Variants in CERS6 observed in about 807,000 individuals in gnomAD.
The protein encoded by CERS6 is LAG1 homolog, ceramide synthase 6.
Under a neutral mutation model 56.8 loss-of-function variants are expected in CERS6, and 26 were observed. The observed-to-expected ratio is 0.46, with a 90% CI of 0.34 to 0.63. CERS6 has a LOEUF of 0.63. CERS6 is among the 30% of genes least tolerant of loss of function. CERS6 has a pLI of 0.01. For synonymous variants in CERS6, 164 were observed against 173.3 expected (o/e 0.95, Z 0.42); for missense variants, 415 against 467.5 (o/e 0.89, Z 1.04).
chr2:168,515,488 G>A (rs1385124923), intron 1 of CERS6, among the ~76,000 whole-genome samples: 1 of 152,168 alleles, frequency 6.6e-6, no homozygotes, highest in Non-Finnish European at 1.5e-5. Context: ...ATCACCAAGT[G>A]GGGAGGGGAA....
chr2:168,533,605 T>A (rs1262516713), intron 1 of CERS6, among the ~76,000 whole-genome samples: 2 of 152,156 alleles, frequency 1.3e-5, no homozygotes, highest in Non-Finnish European at 2.9e-5. Flanking sequence ...TGAGCTTCCC[T>A]TTATATGTGA....
chr2:168,694,097 G>A (rs1046356869), intron 5 of CERS6, among the ~76,000 whole-genome samples: 5 of 152,074 alleles, frequency 3.3e-5, no homozygotes, highest in African/African-American at 1.2e-4. Context: ...AGTTTCAAAT[G>A]TTTTTCATTC....
At chr2:168,731,480 T>G (rs1683530999) in intron 8 of CERS6, among the ~76,000 whole-genome samples, 1 of 152,106 alleles carries the variant, frequency 6.6e-6, no homozygotes, top group Non-Finnish European at 1.5e-5. Context: ...TATACCAAAT[T>G]TTCTAGTTTT....
At chr2:168,513,534 C>T (rs901473570) in intron 1 of CERS6, among the ~76,000 whole-genome samples, 2 of 152,082 alleles carry the variant, frequency 1.3e-5, no homozygotes, top group African/African-American at 2.4e-5. Flanking sequence ...CTGATGTTTT[C>T]GAACCATGAC....
At chr2:168,490,962 T>A (rs770836312) in intron 1 of CERS6, among the ~76,000 whole-genome samples, 25 of 152,188 alleles carry the variant, frequency 1.6e-4, no homozygotes, top group Non-Finnish European at 2.6e-4. Context: ...TTTCACTGTT[T>A]TGTGAGATGT....
At chr2:168,604,390 CGT>C (rs57929934) in intron 3 of CERS6, among the ~76,000 whole-genome samples, 138,804 of 150,636 alleles carry the variant, frequency 0.92, 64,377 homozygotes, top group Non-Finnish European at 0.98. Flanking sequence ...CAGTTGTATA[CGT>C]GTGTGTGTGT....
chr2:168,747,492 C>CT (rs1194381630), intron 8 of CERS6, among the ~76,000 whole-genome samples: 5 of 151,966 alleles, frequency 3.3e-5, no homozygotes, highest in East Asian at 3.9e-4. Flanking sequence ...ACCTTTATTT[C>CT]TTAAAAGATA....
chr2:168,574,343 T>A (rs1460357096), intron 3 of CERS6, among the ~76,000 whole-genome samples: 1 of 152,056 alleles, frequency 6.6e-6, no homozygotes, highest in Non-Finnish European at 1.5e-5. Flanking sequence ...TCTGTTTCTT[T>A]CCAATACTTA....
chr2:168,529,728 T>C (rs948610193), intron 1 of CERS6, among the ~76,000 whole-genome samples: 11 of 152,342 alleles, frequency 7.2e-5, no homozygotes, highest in Non-Finnish European at 1.3e-4. Context: ...TCCTCATTTG[T>C]GAAGCAGTGA....
At chr2:168,605,962 C>T (rs1684042781) in intron 3 of CERS6, among the ~76,000 whole-genome samples, 1 of 152,216 alleles carries the variant, frequency 6.6e-6, no homozygotes, top group Admixed American at 6.5e-5. Flanking sequence ...AGCCCCCACA[C>T]AGAGTCCCCA....
At chr2:168,541,549 G>A (rs571007315) in intron 1 of CERS6, among the ~76,000 whole-genome samples, 3 of 151,584 alleles carry the variant, frequency 2.0e-5, no homozygotes, top group African/African-American at 4.9e-5. Flanking sequence ...TCTCCTTAGA[G>A]TGGGTCATAT....
In CERS6 at chr2:168,478,024, CTT is replaced by C. The variant is rs552775291; in HGVS notation, c.170+21409_170+21410del. Among the ~76,000 whole-genome samples, 482 of 151,526 alleles carry C rather than the reference CTT, an allele frequency of 3.2e-3. 2 individuals are homozygous for C. Among genetic ancestry groups the C allele is most frequent in the African/African-American group, 0.011 (444 of 41,322 alleles). Reference sequence around the variant, plus strand: ...GAGAATATTTGCTTATGTGCTTTGTCTTTTGACTTCATGATATTTTTCCCTGG... The same window carrying C: ...GAGAATATTTGCTTATGTGCTTTGTCTTGACTTCATGATATTTTTCCCTGG... On this transcript the variant is annotated intron_variant, in intron 1 of 9. Coordinates refer to ENST00000305747, the MANE Select transcript of CERS6 (RefSeq NM_203463.3).
At chr2:168,494,347 G>A (rs1291138252) in intron 1 of CERS6, among the ~76,000 whole-genome samples, 1 of 152,100 alleles carries the variant, frequency 6.6e-6, no homozygotes. Flanking sequence ...CTCAGCTTCC[G>A]TGTTTATTAG....
At chr2:168,524,521 C>T (rs1334044123) in intron 1 of CERS6, among the ~76,000 whole-genome samples, 1 of 152,154 alleles carries the variant, frequency 6.6e-6, no homozygotes, top group Non-Finnish European at 1.5e-5. Flanking sequence ...GGAATTGAGA[C>T]ACCCAAGTCA....
At chr2:168,657,716 C>T (rs1228132243) in intron 4 of CERS6, among the ~76,000 whole-genome samples, 2 of 152,250 alleles carry the variant, frequency 1.3e-5, no homozygotes, top group East Asian at 3.9e-4. Context: ...GCCAGCAGGG[C>T]AGGCTGGCTG....
intron 4 of CERS6, among the ~76,000 whole-genome samples, chr2:168,634,404 TTTTG>T (rs757997321): frequency 7.2e-5 from 11 of 152,156 alleles, no homozygotes; most frequent in East Asian, 3.9e-4. Flanking sequence ...CATGTGGGGT[TTTTG>T]TTTGTTTGTT....
chr2:168,628,564 C>T (rs1001820189), intron 3 of CERS6, among the ~76,000 whole-genome samples: 1 of 152,198 alleles, frequency 6.6e-6, no homozygotes, highest in Non-Finnish European at 1.5e-5. Context: ...TTTCACAGTA[C>T]ATCTCCTTCT....
At chr2:168,662,749 G>A (rs941844595) in intron 4 of CERS6, among the ~76,000 whole-genome samples, 13 of 146,706 alleles carry the variant, frequency 8.9e-5, no homozygotes, top group African/African-American at 3.2e-4. Flanking sequence ...ACAAACAAAC[G>A]AGCCCTGGAA....
intron 3 of CERS6, among the ~76,000 whole-genome samples, chr2:168,571,232 TA>T (rs2105388624): frequency 6.6e-6 from 1 of 152,158 alleles, no homozygotes; most frequent in East Asian, 1.9e-4. Context: ...CCCATTGTTA[TA>T]GGGGTAGGTG....
Sources: allele counts gnomAD v4.1 joint callset (sites outside exome capture counted in the v4.1 genomes callset), GRCh38; gene constraint gnomAD v4.1.1; transcripts MANE v1.5; gene names NCBI Gene and HGNC (gene_info 2026-07-23, HGNC 2026-07-21).